The following ARHGAP40 variants were observed in gnomAD, a reference collection of about 807,000 sequenced individuals.
The protein encoded by ARHGAP40 is rho GTPase-activating protein 40.
ARHGAP40 carries 43 observed loss-of-function variants against 73.5 expected under a neutral mutation model. That is an observed-to-expected ratio of 0.58 (90% CI 0.46 to 0.75). The LOEUF (loss-of-function observed/expected upper bound fraction) is 0.75, where lower values mean the gene tolerates loss of function less well. Among genes scored for constraint, ARHGAP40 ranks in the 30% least tolerant of loss-of-function variants. The pLI is 0.00. For missense variants in ARHGAP40, 734 were observed against 861.8 expected, an observed-to-expected ratio of 0.85 and a Z score of 1.86; for synonymous variants, 300 against 352.8, an observed-to-expected ratio of 0.85 and a Z score of 1.68.
intron 9 of ARHGAP40, among the ~76,000 whole-genome samples, chr20:38,640,188 C>T: frequency 1.0e-5 from 1 of 97,926 alleles, no homozygotes; most frequent in African/African-American, 3.8e-5. Flanking sequence ...TTCTTTTCTT[C>T]TTTTCTTCTT....
Position 38,637,704 on chromosome 20 carries a change from G to T in ARHGAP40, c.950-4G>T. ...ATGTGCCTCTGCTCTTTGACTTTCT[G>T]CAGAAACTCGCCTCTTTGGTGTGCC... is the stretch of plus-strand genomic sequence containing the variant. On this transcript the variant is annotated splice_polypyrimidine_tract_variant and splice_region_variant and intron_variant, in intron 6 of 14. Transcript: ENST00000373345. 1.5e-6 allele frequency: 2 copies of T among 1,305,230 alleles called. No individual in the cohort carries two copies. The highest frequency in any genetic ancestry group is 2.5e-5 in the South Asian group (2 of 81,010). The allele number at this position is 1,305,230 out of a possible 1,614,324, so 80.9% of individuals were successfully genotyped here. A position where few individuals can be genotyped will look rare whatever the true frequency, so the allele number is the denominator to read the frequency against.
intron 5 of ARHGAP40, among the ~76,000 whole-genome samples, chr20:38,630,127 CCTTT>C (rs2088929273): frequency 7.4e-6 from 1 of 135,886 alleles, no homozygotes; most frequent in South Asian, 2.4e-4. Context: ...CTCTTTCTTT[CCTTT>C]CTTTCTCCTC....
intron 1 of ARHGAP40, among the ~76,000 whole-genome samples, chr20:38,621,997 G>A (rs1008356803): frequency 3.9e-5 from 6 of 152,092 alleles, no homozygotes; most frequent in Admixed American, 6.5e-5. Context: ...GGAGGTTGCC[G>A]TGAGTCATAT....
At chr20:38,604,397 GTTTT>G (rs5841299) in intron 1 of ARHGAP40, among the ~76,000 whole-genome samples, 1 of 138,640 alleles carries the variant, frequency 7.2e-6, no homozygotes, top group Non-Finnish European at 1.6e-5. Flanking sequence ...GAACAGTGGT[GTTTT>G]TTTTTTTTTT....
intron 1 of ARHGAP40, among the ~76,000 whole-genome samples, chr20:38,619,509 C>G (rs1018127394): frequency 6.6e-6 from 1 of 151,292 alleles, no homozygotes; most frequent in African/African-American, 2.4e-5. Context: ...TCTCAGAGTG[C>G]TTGATGGAAC....
intron 9 of ARHGAP40, among the ~76,000 whole-genome samples, chr20:38,640,628 G>A (rs1013310548): frequency 2.6e-5 from 4 of 152,064 alleles, no homozygotes; most frequent in East Asian, 1.9e-4. Context: ...CACCTCCTCC[G>A]GCTCAGGTCC....
chr20:38,625,831 G>T (rs114995676), intron 2 of ARHGAP40, among the ~76,000 whole-genome samples: 4,239 of 152,240 alleles, frequency 0.028, 217 homozygotes, highest in African/African-American at 0.098. Flanking sequence ...TTTATGGTGG[G>T]GATCTTGTTT....
At chr20:38,648,076 A>G (rs1337617603) in intron 13 of ARHGAP40, among the ~76,000 whole-genome samples, 8 of 152,198 alleles carry the variant, frequency 5.3e-5, no homozygotes, top group Admixed American at 5.2e-4. Context: ...GGACCCTCAG[A>G]CTGTCATCTT....
At chr20:38,620,445 C>A (rs2088868101) in intron 1 of ARHGAP40, among the ~76,000 whole-genome samples, 1 of 152,190 alleles carries the variant, frequency 6.6e-6, no homozygotes, top group East Asian at 1.9e-4. Flanking sequence ...ATAATTGCTG[C>A]CCCCTCACTG....
At chr20:38,613,182 G>A (rs1298125369) in intron 1 of ARHGAP40, among the ~76,000 whole-genome samples, 2 of 152,212 alleles carry the variant, frequency 1.3e-5, no homozygotes, top group African/African-American at 4.8e-5. Flanking sequence ...TGTTGGGGAC[G>A]TGGTGGGGGG....
At chr20:38,638,354 C>T (rs765181648) in intron 7 of ARHGAP40, among the ~76,000 whole-genome samples, 23 of 151,978 alleles carry the variant, frequency 1.5e-4, no homozygotes, top group Admixed American at 9.8e-4. Flanking sequence ...AAATTTTTGT[C>T]TTAATTTTTT....
chr20:38,612,675 GAAAGAAAAGA>G (rs369838508), intron 1 of ARHGAP40, among the ~76,000 whole-genome samples: 1 of 151,164 alleles, frequency 6.6e-6, no homozygotes, highest in Non-Finnish European at 1.5e-5. Context: ...GTCTGAAAAT[GAAAGAAAAGA>G]AAAGAAAAGA....
At chr20:38,610,708 G>A (rs938487810) in intron 1 of ARHGAP40, among the ~76,000 whole-genome samples, 1 of 152,102 alleles carries the variant, frequency 6.6e-6, no homozygotes, top group Non-Finnish European at 1.5e-5. Flanking sequence ...TAAAAATTTG[G>A]AGTCAGCAGA....
intron 2 of ARHGAP40, among the ~76,000 whole-genome samples, chr20:38,624,353 A>G (rs2088888567): frequency 6.6e-6 from 1 of 152,176 alleles, no homozygotes; most frequent in Non-Finnish European, 1.5e-5. Context: ...CTTGCTGCTT[A>G]TGACCCAGCT....
At chr20:38,628,882 C>A in intron 3 of ARHGAP40, 45 bp from the exon 4 acceptor site, 1 of 1,259,080 alleles carries the variant, frequency 7.9e-7, no homozygotes, top group South Asian at 1.3e-5. Context: ...TGAGCATTGT[C>A]AGCTTCCCAC....
chr20:38,649,069 G>T (rs1004166190), intron 14 of ARHGAP40, among the ~76,000 whole-genome samples: 1 of 152,182 alleles, frequency 6.6e-6, no homozygotes, highest in African/African-American at 2.4e-5. Context: ...AAGGAATTCT[G>T]CAAACACATA....
chr20:38,607,352 C>T (rs556140855), intron 1 of ARHGAP40, among the ~76,000 whole-genome samples: 44 of 152,278 alleles, frequency 2.9e-4, no homozygotes, highest in Non-Finnish European at 4.6e-4. Flanking sequence ...CCTCCTGGTT[C>T]GAAACCCGGA....
At chr20:38,623,466 T>C in exon 2 of ARHGAP40, 1 of 1,290,858 alleles carries the variant, frequency 7.7e-7, no homozygotes, top group Middle Eastern at 2.1e-4. Flanking sequence ...AGCTCCAGCA[T>C]GGATGGCTTT....
chr20:38,621,274 C>T (rs2088871961), intron 1 of ARHGAP40, among the ~76,000 whole-genome samples: 1 of 152,108 alleles, frequency 6.6e-6, no homozygotes, highest in Non-Finnish European at 1.5e-5. Context: ...GTTCACAAAC[C>T]CTTTGATTCA....
Sources: gnomAD v4.1 joint callset for allele counts (sites outside exome capture counted in the v4.1 genomes callset) on GRCh38, gnomAD v4.1.1 for gene constraint, MANE v1.5 for transcripts, NCBI Gene and HGNC (gene_info 2026-07-23, HGNC 2026-07-21) for gene names.